Variants in AP5Z1 observed in about 807,000 individuals in gnomAD.
AP5Z1 encodes adaptor related protein complex 5 subunit zeta 1, also known as AP-5 complex subunit zeta-1.
In AP5Z1, 106 loss-of-function variants were observed where a neutral mutation model predicts 83.0. The ratio of observed to expected loss-of-function variants is 1.28; its 90% confidence interval spans 1.09 to 1.50. The LOEUF is 1.50. AP5Z1 is among the 40% of genes most tolerant of loss of function. AP5Z1 has a pLI of 0.00. For missense variants in AP5Z1, 1,565 were observed against 1,094.2 expected (o/e 1.43, Z -6.07); for synonymous variants, 751 against 514.1 (o/e 1.46, Z -6.23).
chr7:4,777,275 CCACT>C (rs1781253431), intron 1 of AP5Z1, among the ~76,000 whole-genome samples: 1 of 151,984 alleles, frequency 6.6e-6, no homozygotes, highest in Non-Finnish European at 1.5e-5. Context: ...GGAAAAACAC[CCACT>C]GAGAACTTCA....
chr7:4,784,058 G>C, intron 5 of AP5Z1, 145 bp from the exon 6 acceptor site: 1 of 1,040,302 alleles, frequency 9.6e-7, no homozygotes, highest in Non-Finnish European at 1.4e-6. Flanking sequence ...GGTGGGGATG[G>C]TGTTTTTGCA....
In AP5Z1 at chr7:4,790,799, G is replaced by C. The variant is rs374815450; in HGVS notation, c.2065G>C (p.Ala689Pro). The C allele has an allele frequency of 6.2e-7, 1 of 1,609,076 alleles. No individual in the cohort carries two copies. The highest frequency in any genetic ancestry group is 1.3e-5 in the African/African-American group (1 of 74,836). Residue 689 changes from alanine (A) to proline (P), a missense_variant, in exon 16 of 17, where the codon GCC becomes CCC. Ala to Pro is a conservative substitution (Grantham distance 27, BLOSUM62 -1). Transcript: ENST00000649063. The part of the protein sequence containing the change: ...FEVTQCRPSA[A>P]LPRCPPQVVT... Reference sequence around the variant, plus strand: ...GGTCACCCAGTGCCGCCCCTCTGCTGCCCTGCCCAGGTGTCCCCCCCAGGT... The same window carrying C: ...GGTCACCCAGTGCCGCCCCTCTGCTCCCCTGCCCAGGTGTCCCCCCCAGGT...
chr7:4,783,862 T>C, intron 5 of AP5Z1, 64 bp downstream of exon 5: 1 of 1,475,994 alleles, frequency 6.8e-7, no homozygotes. Context: ...CCCTGAGAGC[T>C]CCTGTGCCCA....
chr7:4,789,987 C>T (rs1781700873), intron 14 of AP5Z1, 58 bp downstream of exon 14: 5 of 1,092,614 alleles, frequency 4.6e-6, no homozygotes, highest in African/African-American at 1.8e-5. Flanking sequence ...GGACTCCTCC[C>T]CCTCTCCCCT....
chr7:4,777,353 C>CTTTATTTATTTATTTATTTA (rs10676677), intron 1 of AP5Z1, among the ~76,000 whole-genome samples: 27 of 148,844 alleles, frequency 1.8e-4, no homozygotes, highest in African/African-American at 6.5e-4. Flanking sequence ...GAAGAGCCCT[C>CTTTATTTATTTATTTATTTA]TTTATTTATT....
At chr7:4,782,918 G>A (rs1041326260) in intron 3 of AP5Z1, among the ~76,000 whole-genome samples, 2 of 152,232 alleles carry the variant, frequency 1.3e-5, no homozygotes, top group Non-Finnish European at 2.9e-5. Flanking sequence ...TGTGCTGGGT[G>A]TCTCTGGTGC....
Position 4,792,849 on chromosome 7 carries a change from C to G in AP5Z1, c.*1464C>G, listed in dbSNP as rs1018030012. On this transcript the variant is annotated 3_prime_UTR_variant, in exon 17 of 17. Transcript: ENST00000649063. Reference sequence around the variant, plus strand: ...CACTTCCCAGTGCGGTGCACGACCCCGCCTGCAGCAGTGGGTGTGGGGGCG... The same window carrying G: ...CACTTCCCAGTGCGGTGCACGACCCGGCCTGCAGCAGTGGGTGTGGGGGCG... 1 of 152,516 alleles carries G rather than the reference C, an allele frequency of 6.6e-6. No individual in the cohort carries two copies. Among genetic ancestry groups the G allele is most frequent in the Non-Finnish European group, 1.5e-5 (1 of 68,130 alleles). The allele number at this position is 152,516 out of a possible 1,614,324, so 9.4% of individuals were successfully genotyped here.
At chr7:4,785,757 TCC>T (rs1172132169) in intron 9 of AP5Z1, 73 bp downstream of exon 9, 4 of 1,315,714 alleles carry the variant, frequency 3.0e-6, no homozygotes, top group African/African-American at 3.2e-5. Context: ...AATTTCTTCT[TCC>T]CTTTTTTTTT....
rs748484751 is a variant in AP5Z1 at position 4,783,801 on chromosome 7, G to A, written c.621+3G>A. The A allele has an allele frequency of 1.9e-6, 3 of 1,546,758 alleles. No individual in the cohort carries two copies. The South Asian group carries it at 3.6e-5, about 18-fold the overall frequency. On this transcript the variant is annotated splice_donor_region_variant and intron_variant, in intron 5 of 16. Coordinates refer to ENST00000649063, the MANE Select transcript of AP5Z1 (RefSeq NM_014855.3). ...TCTCCACGCCCAGGGCCCGGCAGGT[G>A]AGGCTGGGACTGTTCTGGAACCATG... is the stretch of plus-strand genomic sequence containing the variant.
At chr7:4,786,513 G>A (rs541987188) in intron 10 of AP5Z1, 85 bp downstream of exon 10, 25 of 1,495,360 alleles carry the variant, frequency 1.7e-5, no homozygotes, top group Non-Finnish European at 1.9e-5. Flanking sequence ...GGTTCAGGGC[G>A]AGTCCTGGCT....
chr7:4,778,674 G>A (rs1562402399), intron 1 of AP5Z1, among the ~76,000 whole-genome samples: 1 of 150,292 alleles, frequency 6.7e-6, no homozygotes, highest in Non-Finnish European at 1.5e-5. Context: ...CGGGATGAGG[G>A]GTTCCACCTT....
Position 4,790,788 on chromosome 7 carries a change from G to T in AP5Z1, c.2054G>T (p.Arg685Leu). The T allele has an allele frequency of 6.2e-7, 1 of 1,608,778 alleles. No individual in the cohort carries two copies. The highest frequency in any genetic ancestry group is 8.5e-7 in the Non-Finnish European group (1 of 1,178,662). ...EALLFEVTQCRPSAALPRCPP... is the reference protein window; with the variant it reads ...EALLFEVTQCLPSAALPRCPP... ...CTGCTATTCGAGGTCACCCAGTGCC[G>T]CCCCTCTGCTGCCCTGCCCAGGTGT... Residue 685 changes from arginine to leucine, a missense_variant, in exon 16 of 17, where the codon CGC (arginine) becomes CTC (leucine). Transcript: ENST00000649063.
chr7:4,787,235 G>T (rs908706128), intron 10 of AP5Z1, among the ~76,000 whole-genome samples: 1 of 151,562 alleles, frequency 6.6e-6, no homozygotes, highest in Non-Finnish European at 1.5e-5. Context: ...GCTCACACCT[G>T]TAATCCCAGC....
rs1481383703 is a variant in AP5Z1 at position 4,785,605 on chromosome 7, G to C, written c.1053G>C (p.Lys351Asn). 6.3e-7 allele frequency: 1 copy of C among 1,592,304 alleles called. No individual in the cohort carries two copies. The highest frequency in any genetic ancestry group is 1.3e-5 in the African/African-American group (1 of 74,696). Residue 351 changes from lysine (K) to asparagine (N), a missense_variant, in exon 9 of 17, where the codon AAG becomes AAC. Lys to Asn is a moderately conservative substitution (Grantham distance 94). Transcript: ENST00000649063. ...SFLYRSLSCL[K>N]ALHGRVRGDP... ...TGTACCGAAGTCTCTCCTGCCTGAA[G>C]GCCCTGCACGGGCGGGTGCGCGGGG...
Position 4,781,682 on chromosome 7 carries a change from C to G in AP5Z1, c.294C>G (p.Ser98Arg). ...TGCGAGAGATGTCCCCCTCTGACAG[C>G]CTCAGCCTGGCCTGGGACCACACGC... ...AILREMSPSD[S>R]LSLAWDHTQN... Residue 98 changes from serine (S) to arginine (R), a missense_variant, in exon 3 of 17, where the codon AGC becomes AGG. By Grantham distance (110) the Ser-to-Arg change is moderately radical. Coordinates refer to ENST00000649063, the MANE Select transcript of AP5Z1 (RefSeq NM_014855.3). 6.3e-7 allele frequency: 1 copy of G among 1,597,526 alleles called. No individual in the cohort carries two copies.
chr7:4,789,121 C>A (rs923051354), intron 13 of AP5Z1, 170 bp downstream of exon 13: 1 of 603,690 alleles, frequency 1.7e-6, no homozygotes, highest in Non-Finnish European at 2.9e-6. Context: ...CCCCGGCAGG[C>A]CCCGTCCCTT....
intron 1 of AP5Z1, among the ~76,000 whole-genome samples, chr7:4,777,474 G>A (rs1352173512): frequency 3.3e-5 from 5 of 152,066 alleles, no homozygotes; most frequent in Admixed American, 6.5e-5. Flanking sequence ...TGCAACCTCC[G>A]CCTCCTGGGT....
intron 9 of AP5Z1, 107 bp downstream of exon 9, chr7:4,785,791 A>T: frequency 7.5e-7 from 1 of 1,340,666 alleles, no homozygotes; most frequent in African/African-American, 1.6e-5. Flanking sequence ...GATTGAATAG[A>T]GACAGGGGTC....
chr7:4,788,185 T>C lies in AP5Z1; in HGVS notation c.1486T>C (p.Trp496Arg). ...SAPAASERPLWDTSLRAPSCL... is the reference protein window; with the variant it reads ...SAPAASERPLRDTSLRAPSCL... The stretch of plus-strand genomic sequence containing the variant: ...ACCGGCTGCATCCGAGAGGCCACTC[T>C]GGGACACCTCTCTCAGGGCCCCCAG... Residue 496 changes from tryptophan to arginine, a missense_variant, in exon 12 of 17, where the codon TGG becomes CGG. Physicochemically the swap from Trp to Arg is moderately radical, Grantham distance 101. Transcript: ENST00000649063. The C allele has an allele frequency of 6.4e-7, 1 of 1,558,800 alleles. No homozygotes were observed. Among genetic ancestry groups the C allele is most frequent in the Non-Finnish European group, 8.7e-7 (1 of 1,152,410 alleles).
Sources: allele counts gnomAD v4.1 joint callset (sites outside exome capture counted in the v4.1 genomes callset), GRCh38; gene constraint gnomAD v4.1.1; transcripts MANE v1.5; gene names NCBI Gene and HGNC (gene_info 2026-07-23, HGNC 2026-07-21).